ERG: variants seen among roughly 807,000 people sequenced by gnomAD.
ERG encodes the protein ETS transcription factor ERG.
ERG carries 9 observed loss-of-function variants against 55.3 expected under a neutral mutation model. The observed-to-expected ratio is 0.16, with a 90% CI of 0.10 to 0.28. ERG has a LOEUF of 0.28. ERG is among the 10% of genes least tolerant of loss of function. ERG has a pLI of 1.00. For synonymous variants in ERG, 223 were observed against 237.3 expected (o/e 0.94, Z 0.55); for missense variants, 434 against 631.6 (o/e 0.69, Z 3.35).
At chr21:38,504,195 T>A (rs1049907104) in intron 2 of ERG, among the ~76,000 whole-genome samples, 1 of 152,242 alleles carries the variant, frequency 6.6e-6, no homozygotes, top group African/African-American at 2.4e-5. Context: ...GAAACTGTTA[T>A]CACATACCAA....
intron 1 of ERG, among the ~76,000 whole-genome samples, chr21:38,647,005 C>T (rs2060461099): frequency 6.6e-6 from 1 of 152,210 alleles, no homozygotes; most frequent in Non-Finnish European, 1.5e-5. Flanking sequence ...CCGCCTTGCT[C>T]TCTCTAGGCT....
At chr21:38,467,494 G>A (rs1217068085) in intron 1 of ERG, among the ~76,000 whole-genome samples, 2 of 152,142 alleles carry the variant, frequency 1.3e-5, no homozygotes, top group African/African-American at 2.4e-5. Context: ...CGGGTGTGGA[G>A]GAGGAGGAGA....
At chr21:38,508,548 T>G (rs1159083863) in intron 2 of ERG, among the ~76,000 whole-genome samples, 1 of 152,242 alleles carries the variant, frequency 6.6e-6, no homozygotes, top group Admixed American at 6.5e-5. Context: ...TGTATACAAC[T>G]TAGTCCTTGT....
chr21:38,469,561 G>A (rs2059122259), intron 1 of ERG, among the ~76,000 whole-genome samples: 2 of 152,096 alleles, frequency 1.3e-5, no homozygotes, highest in Non-Finnish European at 2.9e-5. Flanking sequence ...ACTGCTTTGG[G>A]CTATTCTCCT....
chr21:38,402,452 C>T (rs561382332), intron 5 of ERG, 105 bp downstream of exon 5: 26 of 766,676 alleles, frequency 3.4e-5, no homozygotes, highest in South Asian at 2.7e-4. Context: ...CATCTACCTG[C>T]GTTCTGTCTT....
chr21:38,496,762 A>C (rs1428399093), intron 1 of ERG, among the ~76,000 whole-genome samples: 1 of 152,236 alleles, frequency 6.6e-6, no homozygotes, highest in Admixed American at 6.5e-5. Flanking sequence ...CAAATTAAAC[A>C]GTATAACACA....
chr21:38,535,974 C>T (rs1267765236), intron 2 of ERG, among the ~76,000 whole-genome samples: 1 of 152,056 alleles, frequency 6.6e-6, no homozygotes, highest in Non-Finnish European at 1.5e-5. Flanking sequence ...ACATCTCATC[C>T]TCTTTCCTCC....
At chr21:38,453,213 C>T (rs983355425) in intron 1 of ERG, among the ~76,000 whole-genome samples, 3 of 152,170 alleles carry the variant, frequency 2.0e-5, no homozygotes, top group Admixed American at 2.0e-4. Flanking sequence ...ATAGGGACTT[C>T]CTATAGCTAA....
At chr21:38,386,379 A>G (rs1372205211) in intron 9 of ERG, among the ~76,000 whole-genome samples, 1 of 152,162 alleles carries the variant, frequency 6.6e-6, no homozygotes, top group African/African-American at 2.4e-5. Flanking sequence ...ATCATGTCAA[A>G]CTCATTAATT....
chr21:38,387,844 T>C (rs189273208), intron 9 of ERG, among the ~76,000 whole-genome samples: 122 of 152,354 alleles, frequency 8.0e-4, no homozygotes, highest in Middle Eastern at 3.4e-3. Context: ...ACAGGAATCA[T>C]GTGATTAGTC....
At position 38,436,177 on chromosome 21, in the gene ERG, T is replaced by A. The variant is rs538926389; in HGVS notation, c.236+9227A>T. 6.7e-3 allele frequency among the ~76,000 whole-genome samples: 1,020 copies of A among 151,472 alleles called. 5 individuals are homozygous for A. Among genetic ancestry groups the A allele is most frequent in the Middle Eastern group, 0.031 (9 of 294 alleles). On this transcript the variant is annotated intron_variant, in intron 2 of 9. Transcript: ENST00000288319. ...ATAGGCACCTGGCTAATTTTTTTTT[T>A]AATATATATTTTTAGTAGAGATGGG... is the stretch of plus-strand genomic sequence containing the variant.
the ERG span, among the ~76,000 whole-genome samples, chr21:38,369,877 T>C: frequency 6.6e-6 from 1 of 152,216 alleles, no homozygotes; most frequent in Non-Finnish European, 1.5e-5. Flanking sequence ...GAACAGGGAA[T>C]CCTTTCCCCA....
At chr21:38,631,543 C>T (rs1190873492) in intron 1 of ERG, among the ~76,000 whole-genome samples, 2 of 152,144 alleles carry the variant, frequency 1.3e-5, no homozygotes, top group East Asian at 3.8e-4. Flanking sequence ...GCCTTCCCGT[C>T]CTTTAAGGGA....
chr21:38,531,698 T>G (rs1568888117), intron 2 of ERG, among the ~76,000 whole-genome samples: 1 of 152,170 alleles, frequency 6.6e-6, no homozygotes, highest in African/African-American at 2.4e-5. Flanking sequence ...AGCTGCAAAT[T>G]TGAATTCAAT....
At chr21:38,624,654 C>A (rs957695481) in intron 1 of ERG, among the ~76,000 whole-genome samples, 1 of 152,108 alleles carries the variant, frequency 6.6e-6, no homozygotes, top group African/African-American at 2.4e-5. Flanking sequence ...ATCTCAGCAC[C>A]GCTCACTGGC....
intron 6 of ERG, among the ~76,000 whole-genome samples, chr21:38,392,867 AAATC>A (rs1251628443): frequency 6.6e-6 from 1 of 152,210 alleles, no homozygotes; most frequent in African/African-American, 2.4e-5. Context: ...GTCTGTTCCT[AAATC>A]AATCAAATGA....
intron 3 of ERG, among the ~76,000 whole-genome samples, chr21:38,405,996 C>T (rs961821801): frequency 6.7e-6 from 1 of 150,314 alleles, no homozygotes; most frequent in Admixed American, 6.6e-5. Context: ...ACTAAAAATA[C>T]AAAAAAAAAT....
chr21:38,388,240 T>C (rs1007338993), intron 9 of ERG, among the ~76,000 whole-genome samples: 1 of 152,256 alleles, frequency 6.6e-6, no homozygotes, highest in Non-Finnish European at 1.5e-5. Context: ...GATTCTCAGC[T>C]GCTCTGATGG....
chr21:38,461,506 G>A (rs555306180), intron 1 of ERG, among the ~76,000 whole-genome samples: 2 of 152,274 alleles, frequency 1.3e-5, no homozygotes, highest in East Asian at 3.9e-4. Flanking sequence ...CTTCACTGCT[G>A]TATCTCCCTG....
Sources: allele counts gnomAD v4.1 joint callset (sites outside exome capture counted in the v4.1 genomes callset), GRCh38; gene constraint gnomAD v4.1.1; transcripts MANE v1.5; gene names NCBI Gene and HGNC (gene_info 2026-07-23, HGNC 2026-07-21).